Variants in STK32B observed in about 807,000 individuals in gnomAD.
The protein encoded by STK32B is serine/threonine-protein kinase 32B.
In STK32B, 43 loss-of-function variants were observed where a neutral mutation model predicts 52.6. That is an observed-to-expected ratio of 0.82 (90% CI 0.64 to 1.05). The LOEUF (loss-of-function observed/expected upper bound fraction) is 1.05, where lower values mean the gene tolerates loss of function less well. STK32B is among the 50% of genes least tolerant of loss of function. The pLI is 0.00. For missense variants in STK32B, 621 were observed against 534.6 expected (o/e 1.16, Z -1.59); for synonymous variants, 238 against 204.3 (o/e 1.17, Z -1.41).
intron 1 of STK32B, among the ~76,000 whole-genome samples, chr4:5,080,677 C>G (rs1235095066): frequency 6.6e-6 from 1 of 152,010 alleles, no homozygotes. Flanking sequence ...AAAAATTGTA[C>G]ATATTTAAGG....
chr4:5,486,414 C>T (rs758294363), intron 11 of STK32B, among the ~76,000 whole-genome samples: 118 of 152,182 alleles, frequency 7.8e-4, no homozygotes, highest in Middle Eastern at 6.3e-3. Flanking sequence ...GCTGGTGTGC[C>T]GTTTGCTAAG....
At chr4:5,497,988 G>A (rs1356671319) in intron 11 of STK32B, among the ~76,000 whole-genome samples, 1 of 152,080 alleles carries the variant, frequency 6.6e-6, no homozygotes, top group African/African-American at 2.4e-5. Flanking sequence ...CCCTATACTA[G>A]ATATTTTACA....
chr4:5,214,931 T>G (rs932893615), intron 3 of STK32B, among the ~76,000 whole-genome samples: 67 of 152,352 alleles, frequency 4.4e-4, no homozygotes, highest in Middle Eastern at 3.4e-3. Flanking sequence ...GTCTCCAGAC[T>G]ATGTATTTTA....
intron 11 of STK32B, among the ~76,000 whole-genome samples, chr4:5,472,071 G>A (rs757015396): frequency 8.5e-5 from 13 of 152,210 alleles, no homozygotes; most frequent in Non-Finnish European, 1.5e-4. Context: ...CCCATCATCT[G>A]CACCAAGCAG....
intron 2 of STK32B, among the ~76,000 whole-genome samples, chr4:5,142,502 C>T (rs1213817077): frequency 6.6e-6 from 1 of 152,220 alleles, no homozygotes; most frequent in Non-Finnish European, 1.5e-5. Context: ...TTTTCAGAAT[C>T]TCATTCCTGA....
chr4:5,496,805 T>TAAA (rs531765285), intron 11 of STK32B, among the ~76,000 whole-genome samples: 1 of 142,864 alleles, frequency 7.0e-6, no homozygotes. Context: ...TTCTTTGCTT[T>TAAA]AAAAAAAAAA....
intron 4 of STK32B, among the ~76,000 whole-genome samples, chr4:5,376,280 T>C (rs1191355291): frequency 6.6e-6 from 1 of 152,234 alleles, no homozygotes; most frequent in Non-Finnish European, 1.5e-5. Context: ...CTTTATTCTT[T>C]TACAGTCTTG....
chr4:5,145,879 C>T (rs13114652), intron 2 of STK32B, among the ~76,000 whole-genome samples: 124,562 of 152,088 alleles, frequency 0.82, 51,137 homozygotes, highest in East Asian at 0.9. Flanking sequence ...GCTTTTAGGG[C>T]CATTGTTTTA....
chr4:5,429,068 A>T (rs1345651560), intron 6 of STK32B, among the ~76,000 whole-genome samples: 1 of 152,238 alleles, frequency 6.6e-6, no homozygotes, highest in Non-Finnish European at 1.5e-5. Context: ...TAGCAATGAG[A>T]CATCATCAAA....
intron 3 of STK32B, among the ~76,000 whole-genome samples, chr4:5,302,754 C>T (rs1312717901): frequency 6.6e-6 from 1 of 152,004 alleles, no homozygotes; most frequent in Non-Finnish European, 1.5e-5. Context: ...TTCTTACTCC[C>T]TCCCACCCTT....
At chr4:5,496,833 A>C (rs1219159923) in intron 11 of STK32B, among the ~76,000 whole-genome samples, 1 of 152,094 alleles carries the variant, frequency 6.6e-6, no homozygotes, top group Non-Finnish European at 1.5e-5. Flanking sequence ...CATGAAGATC[A>C]AAGTGATTTT....
At chr4:5,167,471 C>A (rs1052608272) in intron 2 of STK32B, among the ~76,000 whole-genome samples, 22 of 152,048 alleles carry the variant, frequency 1.4e-4, no homozygotes, top group African/African-American at 5.1e-4. Context: ...TCCCCCAGAA[C>A]CCATGTGCCT....
At chr4:5,307,494 G>A (rs1729999636) in intron 3 of STK32B, among the ~76,000 whole-genome samples, 1 of 143,566 alleles carries the variant, frequency 7.0e-6, no homozygotes, top group Non-Finnish European at 1.5e-5. Flanking sequence ...AGTGGTGATT[G>A]TTTTTTATTT....
At chr4:5,343,613 A>G (rs1733248885) in intron 4 of STK32B, among the ~76,000 whole-genome samples, 1 of 152,228 alleles carries the variant, frequency 6.6e-6, no homozygotes, top group South Asian at 2.1e-4. Context: ...ACCTAAAACT[A>G]TAAAAACCCT....
At position 5,350,953 on chromosome 4, in the gene STK32B, C is replaced by T. The variant is rs147332006; in HGVS notation, c.434+19560C>T. ...CATATATGCACCCAATGGTGGAGCA[C>T]CCAGATATATAAAGCAAATTTTATT... On this transcript the variant is annotated intron_variant, in intron 4 of 11. Transcript: ENST00000282908. Among the ~76,000 whole-genome samples the T allele has an allele frequency of 1.0e-3, 158 of 151,948 alleles. 2 individuals are homozygous for T. Among genetic ancestry groups the T allele is most frequent in the East Asian group, 5.8e-4 (3 of 5,182 alleles).
intron 3 of STK32B, among the ~76,000 whole-genome samples, chr4:5,279,815 C>T (rs192196021): frequency 2.0e-5 from 3 of 152,318 alleles, no homozygotes; most frequent in South Asian, 4.1e-4. Context: ...GACTTGCACC[C>T]TCTGAAGCAA....
intron 1 of STK32B, among the ~76,000 whole-genome samples, chr4:5,075,584 T>C (rs1272624331): frequency 6.6e-6 from 1 of 152,160 alleles, no homozygotes; most frequent in Non-Finnish European, 1.5e-5. Flanking sequence ...AGTTTATCTT[T>C]GGATAAATTG....
Position 5,331,251 on chromosome 4 carries a change from A to T in STK32B, c.292A>T (p.Met98Leu). The change falls in exon 4 of 12, where the codon ATG becomes TTG. Residue 98 changes from methionine (M) to leucine (L), a missense_variant. Coordinates refer to ENST00000282908, the MANE Select transcript of STK32B (RefSeq NM_018401.3). The stretch of plus-strand genomic sequence containing the variant: ...CTTCCAGGATGAGGAGGACATGTTC[A>T]TGGTGGTGGACCTGCTCCTGGGAGG... ...YSFQDEEDMF[M>L]VVDLLLGGDL... 1 of 1,613,548 alleles carries T rather than the reference A, an allele frequency of 6.2e-7. No individual in the cohort carries two copies. Among genetic ancestry groups the T allele is most frequent in the Non-Finnish European group, 8.5e-7 (1 of 1,179,738 alleles).
chr4:5,078,388 A>G (rs1398318320), intron 1 of STK32B, among the ~76,000 whole-genome samples: 2 of 152,158 alleles, frequency 1.3e-5, no homozygotes, highest in African/African-American at 4.8e-5. Context: ...AAAAACAAAA[A>G]CAAACAAAGA....
Sources: gnomAD v4.1 joint callset for allele counts (sites outside exome capture counted in the v4.1 genomes callset) on GRCh38, gnomAD v4.1.1 for gene constraint, MANE v1.5 for transcripts, NCBI Gene and HGNC (gene_info 2026-07-23, HGNC 2026-07-21) for gene names.